Variants in TMEM94 observed in about 807,000 individuals in gnomAD.
TMEM94 encodes the protein ER Mg2+ ATPase.
A neutral mutation model predicts 158.6 loss-of-function variants in TMEM94; 81 were observed. The observed-to-expected ratio is 0.51, with a 90% CI of 0.43 to 0.61. The LOEUF is 0.61. Among genes scored for constraint, TMEM94 ranks in the 20% least tolerant of loss-of-function variants. The pLI is 0.00. For synonymous variants in TMEM94, 751 were observed against 730.7 expected (o/e 1.03, Z -0.45); for missense variants, 1,435 against 1,762.0 (o/e 0.81, Z 3.32).
intron 10 of TMEM94, 73 bp downstream of exon 10, chr17:75,490,423 G>C: frequency 6.5e-7 from 1 of 1,529,168 alleles, no homozygotes; most frequent in Non-Finnish European, 8.9e-7. Flanking sequence ...AGAGGACGGG[G>C]GCAGAAGTCC....
chr17:75,476,398 C>G, intron 2 of TMEM94: 111 of 729,560 alleles, frequency 1.5e-4, no homozygotes, highest in Middle Eastern at 4.5e-4. Flanking sequence ...GCTCCTGTTT[C>G]CTCCCTCCTT....
chr17:75,470,966 C>T (rs985579752), intron 1 of TMEM94, among the ~76,000 whole-genome samples: 2 of 149,084 alleles, frequency 1.3e-5, no homozygotes, highest in African/African-American at 2.5e-5. Context: ...AGGTCAGGCG[C>T]GGTGGCTCAC....
chr17:75,490,035 C>T (rs1211319496), intron 9 of TMEM94, 199 bp from the exon 10 acceptor site: 23 of 685,178 alleles, frequency 3.4e-5, no homozygotes, highest in Admixed American at 2.2e-4. Context: ...GCCGAGATCA[C>T]GCCACTGCCC....
Position 75,499,898 on chromosome 17 carries a change from G to A in TMEM94, c.*564G>A, listed in dbSNP as rs201891666. ...GAAGATGGAGCAGGGCCCCCGCTTC[G>A]CCCTGGAGCCTCTTCCTGTGCCTGG... On this transcript the variant is annotated 3_prime_UTR_variant, in exon 32 of 32. Coordinates refer to ENST00000314256, the MANE Select transcript of TMEM94 (RefSeq NM_014738.6). 1.9e-4 allele frequency: 30 copies of A among 154,546 alleles called. No individual in the cohort carries two copies. In the East Asian group the frequency reaches 4.6e-3, roughly 24 times the overall value. The allele number at this position is 154,546 out of a possible 1,614,324, so 9.6% of individuals were successfully genotyped here.
intron 2 of TMEM94, 176 bp downstream of exon 2, chr17:75,472,105 CT>C (rs2050522545): frequency 1.6e-6 from 1 of 625,192 alleles, no homozygotes; most frequent in Non-Finnish European, 2.9e-6. Flanking sequence ...AAAGCACAGA[CT>C]CACAGAGCTA....
At chr17:75,474,674 A>G (rs2050612761) in intron 2 of TMEM94, among the ~76,000 whole-genome samples, 1 of 152,122 alleles carries the variant, frequency 6.6e-6, no homozygotes, top group African/African-American at 2.4e-5. Context: ...CAAAAAACCA[A>G]AAACAGTCAG....
At position 75,499,029 on chromosome 17, in the gene TMEM94, G is replaced by A; in HGVS notation, c.3945G>A (p.Leu1315=). The A allele has an allele frequency of 6.2e-7, 1 of 1,602,912 alleles. No homozygotes were observed. The highest frequency in any genetic ancestry group is 8.5e-7 in the Non-Finnish European group (1 of 1,176,088). The change falls in exon 31 of 32, where the codon CTG becomes CTA. Residue 1315 remains leucine (L), a synonymous_variant. Coordinates refer to ENST00000314256, the MANE Select transcript of TMEM94 (RefSeq NM_014738.6). ...VPLLTWLLGC[L]SLVLVVVTNE... is the part of the protein sequence containing the mutation. ...TGCTGACATGGCTCCTGGGCTGCCTGTCCCTGGTCCTTGTGGTGGTGACCA... is the reference window on the plus strand; with the variant it reads ...TGCTGACATGGCTCCTGGGCTGCCTATCCCTGGTCCTTGTGGTGGTGACCA...
At chr17:75,461,913 C>CAA (rs558520484) in intron 1 of TMEM94, among the ~76,000 whole-genome samples, 3 of 97,202 alleles carry the variant, frequency 3.1e-5, no homozygotes, top group Non-Finnish European at 2.1e-5. Context: ...GACTCCGTCT[C>CAA]AAAAAAAAAA....
At chr17:75,493,959 C>T (rs1213779447) in intron 18 of TMEM94, 43 bp downstream of exon 18, 17 of 1,569,458 alleles carry the variant, frequency 1.1e-5, no homozygotes, top group Non-Finnish European at 1.5e-5. Context: ...CTGGGGCTCC[C>T]CTGGGCTGCC....
intron 7 of TMEM94, 30 bp downstream of exon 7, chr17:75,488,940 CCT>C: frequency 6.5e-7 from 1 of 1,534,056 alleles, no homozygotes. Flanking sequence ...TCCTCCTGTC[CCT>C]GGTGTCTTCT....
In TMEM94 at chr17:75,495,202, C is replaced by A; in HGVS notation, c.2729-82C>A. The A allele has an allele frequency of 7.1e-7, 1 of 1,409,568 alleles. No individual in the cohort carries two copies. The highest frequency in any genetic ancestry group is 9.7e-7 in the Non-Finnish European group (1 of 1,033,418). The allele number at this position is 1,409,568 out of a possible 1,614,324, so 87.3% of individuals were successfully genotyped here. On this transcript the variant is annotated intron_variant, in intron 20 of 31. Coordinates refer to ENST00000314256, the MANE Select transcript of TMEM94 (RefSeq NM_014738.6). The surrounding 1 kb of genome is among the most constrained non-coding windows in gnomAD (Gnocchi z 5.6). Reference sequence around the variant, plus strand: ...AGTAGTCAGCAGGAAGGAGTGGACACAGGCAAAAAATTCTCTGCAGGGCAA... The same window carrying A: ...AGTAGTCAGCAGGAAGGAGTGGACAAAGGCAAAAAATTCTCTGCAGGGCAA...
chr17:75,495,289 C>G lies in TMEM94; in HGVS notation c.2734C>G (p.Arg912Gly), dbSNP rs557746506. The G allele has an allele frequency of 6.8e-6, 11 of 1,607,234 alleles. No homozygotes were observed. The highest frequency in any genetic ancestry group is 2.2e-5 in the East Asian group (1 of 44,772). Reference sequence around the variant, plus strand: ...AGAGGCTTTTGTCCCCACAGTGTCCCGAGATGATGCAGAAGGGCTCCTCCT... The same window carrying G: ...AGAGGCTTTTGTCCCCACAGTGTCCGGAGATGATGCAGAAGGGCTCCTCCT... ...SLHDDLNQVS[R>G]DDAEGLLLME... The change falls in exon 21 of 32, where the codon CGA becomes GGA. Residue 912 changes from arginine (R) to glycine (G), a missense_variant. Coordinates refer to ENST00000314256, the MANE Select transcript of TMEM94 (RefSeq NM_014738.6). The surrounding 1 kb of genome is among the most constrained non-coding windows in gnomAD (Gnocchi z 5.6).
At position 75,485,202 on chromosome 17, in the gene TMEM94, A is replaced by G. The variant is rs902871916; in HGVS notation, c.25-226A>G. Among the ~76,000 whole-genome samples the G allele has an allele frequency of 6.6e-6, 1 of 152,162 alleles. No homozygotes were observed. The highest frequency in any genetic ancestry group is 2.4e-5 in the African/African-American group (1 of 41,440). On this transcript the variant is annotated intron_variant, in intron 2 of 31. Coordinates refer to ENST00000314256, the MANE Select transcript of TMEM94 (RefSeq NM_014738.6). This position sits in a 1 kb window ranked among gnomAD's most constrained non-coding sequence, Gnocchi z 5.5. ...AAAGAAAAAGTTGTTTTGTTTTTTA[A>G]TTTGGCTGTAAAGAGTAGGGTAGGA...
At position 75,499,080 on chromosome 17, in the gene TMEM94, T is replaced by G; in HGVS notation, c.3996T>G (p.Ile1332Met). ...ATGAGATCGTGAAGCTACATGAGATTCGGTGAGCTGTCAGCAGGGCGCCTC... is the reference window on the plus strand; with the variant it reads ...ATGAGATCGTGAAGCTACATGAGATGCGGTGAGCTGTCAGCAGGGCGCCTC... The part of the protein sequence containing the change: ...VTNEIVKLHE[I>M]RVRVRYQKRQ... Residue 1332 changes from isoleucine (I) to methionine (M), a missense_variant and splice_region_variant, in exon 31 of 32, where the codon ATT becomes ATG. By Grantham distance (10) the Ile-to-Met change is conservative. Coordinates refer to ENST00000314256, the MANE Select transcript of TMEM94 (RefSeq NM_014738.6). The G allele has an allele frequency of 6.3e-7, 1 of 1,583,014 alleles. No individual in the cohort carries two copies. Among genetic ancestry groups the G allele is most frequent in the Non-Finnish European group, 8.6e-7 (1 of 1,163,464 alleles).
chr17:75,490,872 C>A, intron 11 of TMEM94, 114 bp downstream of exon 11: 1 of 1,058,594 alleles, frequency 9.4e-7, no homozygotes, highest in Non-Finnish European at 1.4e-6. Flanking sequence ...CCCATGTCCA[C>A]CCGTTACATG....
At chr17:75,481,839 A>G (rs994684160) in intron 2 of TMEM94, among the ~76,000 whole-genome samples, 1 of 152,212 alleles carries the variant, frequency 6.6e-6, no homozygotes, top group Non-Finnish European at 1.5e-5. Flanking sequence ...GGAAGCTCAC[A>G]TGGATGCTTC....
At chr17:75,476,177 C>A (rs569732444) in intron 2 of TMEM94, among the ~76,000 whole-genome samples, 1 of 152,260 alleles carries the variant, frequency 6.6e-6, no homozygotes, top group South Asian at 2.1e-4. Flanking sequence ...GGGAAGAGAG[C>A]TGGGATTTGT....
intron 2 of TMEM94, among the ~76,000 whole-genome samples, chr17:75,480,335 T>C (rs1186596085): frequency 6.6e-6 from 1 of 152,232 alleles, no homozygotes; most frequent in African/African-American, 2.4e-5. Flanking sequence ...CTGTGCTGTC[T>C]TTAATCACCA....
At chr17:75,490,377 A>G (rs1288103598) in intron 10 of TMEM94, 27 bp downstream of exon 10, 2 of 1,604,724 alleles carry the variant, frequency 1.2e-6, no homozygotes, top group Non-Finnish European at 8.5e-7. Context: ...TGTCTGGGGG[A>G]AGTCACAGGA....
Sources: allele counts gnomAD v4.1 joint callset (sites outside exome capture counted in the v4.1 genomes callset), GRCh38; gene constraint gnomAD v4.1.1; non-coding constraint Gnocchi (gnomAD v3.1); transcripts MANE v1.5; gene names NCBI Gene and HGNC (gene_info 2026-07-23, HGNC 2026-07-21).